EPB41: variants seen among roughly 807,000 people sequenced by gnomAD.
EPB41 encodes the protein erythrocyte membrane protein band 4.1.
A neutral mutation model predicts 108.0 loss-of-function variants in EPB41; 65 were observed. That is an observed-to-expected ratio of 0.60 (90% confidence interval 0.49 to 0.74). The LOEUF (loss-of-function observed/expected upper bound fraction) is 0.74. Among genes scored for constraint, EPB41 ranks in the 30% least tolerant of loss-of-function variants. The pLI is 0.00. For missense variants in EPB41, 875 were observed against 1,037.0 expected, an observed-to-expected ratio of 0.84 and a Z score of 2.15; for synonymous variants, 336 against 358.9, an observed-to-expected ratio of 0.94 and a Z score of 0.72.
At chr1:29,112,711 C>T (rs1429848710) in intron 19 of EPB41, among the ~76,000 whole-genome samples, 1 of 152,190 alleles carries the variant, frequency 6.6e-6, no homozygotes, top group African/African-American at 2.4e-5. Context: ...TATATTCTAG[C>T]TGTTAACTCT....
At chr1:29,113,270 G>T (rs1211133261) in intron 19 of EPB41, among the ~76,000 whole-genome samples, 3 of 152,232 alleles carry the variant, frequency 2.0e-5, no homozygotes, top group African/African-American at 7.2e-5. Context: ...GAGATTGCAT[G>T]CAAATGCTTC....
At chr1:29,019,968 A>C (rs2096623874) in intron 7 of EPB41, among the ~76,000 whole-genome samples, 1 of 152,232 alleles carries the variant, frequency 6.6e-6, no homozygotes, top group South Asian at 2.1e-4. Context: ...GACTTATTCC[A>C]GTACCAATGT....
chr1:28,965,919 A>G (rs1290514084), intron 1 of EPB41, among the ~76,000 whole-genome samples: 1 of 152,226 alleles, frequency 6.6e-6, no homozygotes, highest in Non-Finnish European at 1.5e-5. Context: ...GTGGTGGCTC[A>G]TGCCTGTAAC....
Position 28,902,768 on chromosome 1 carries a change from G to T in EPB41, c.-8+15558G>T, listed in dbSNP as rs188039847. 4.6e-5 allele frequency among the ~76,000 whole-genome samples: 7 copies of T among 152,182 alleles called. 1 individual carries two copies. Among genetic ancestry groups the T allele is most frequent in the African/African-American group, 1.7e-4 (7 of 41,510 alleles). ...ATTATAAGTGGAGGAAATTATCCTG[G>T]GTTTGAGACTCAGGAGCCTGAGCTT... On this transcript the variant is annotated intron_variant, in intron 1 of 16. Transcript: ENST00000347529.
chr1:28,991,160 G>A (rs1008353244), intron 2 of EPB41, among the ~76,000 whole-genome samples: 8 of 149,282 alleles, frequency 5.4e-5, no homozygotes, highest in African/African-American at 2.0e-4. Context: ...TTTTTAAAAA[G>A]CGTGTTTGCT....
chr1:28,903,862 T>A (rs2091531038), intron 1 of EPB41, among the ~76,000 whole-genome samples: 1 of 151,026 alleles, frequency 6.6e-6, no homozygotes, highest in Non-Finnish European at 1.5e-5. Flanking sequence ...AGTTTTTTTG[T>A]TGTTGTTGTT....
At chr1:29,028,901 A>G (rs1323847241) in intron 7 of EPB41, among the ~76,000 whole-genome samples, 1 of 151,996 alleles carries the variant, frequency 6.6e-6, no homozygotes, top group Non-Finnish European at 1.5e-5. Flanking sequence ...AACTAGCTGG[A>G]CATGGTGGCA....
chr1:28,898,494 C>T (rs923672492), intron 1 of EPB41, among the ~76,000 whole-genome samples: 1 of 152,208 alleles, frequency 6.6e-6, no homozygotes, highest in Non-Finnish European at 1.5e-5. Flanking sequence ...AGGGCGGAGG[C>T]TTCAATGAGA....
intron 16 of EPB41, among the ~76,000 whole-genome samples, chr1:29,074,156 G>A (rs920842224): frequency 1.3e-5 from 2 of 152,070 alleles, no homozygotes; most frequent in African/African-American, 2.4e-5. Flanking sequence ...TATGAGACAT[G>A]GTCTCATTGT....
chr1:28,997,308 G>A lies in EPB41; in HGVS notation c.775G>A (p.Ala259Thr), dbSNP rs566540981. Reference protein sequence around the residue: ...DYFGLAIWDNATSKTWLDSAK... With the variant: ...DYFGLAIWDNTTSKTWLDSAK... ...TTTTGGTCTAGCCATTTGGGATAACGCAACCTCTAAGGTGAGGAGACTGCT... is the reference window on the plus strand; with the variant it reads ...TTTTGGTCTAGCCATTTGGGATAACACAACCTCTAAGGTGAGGAGACTGCT... The change falls in exon 4 of 21, where the codon GCA becomes ACA. Residue 259 changes from alanine to threonine, a missense_variant. Coordinates refer to ENST00000343067, the MANE Select transcript of EPB41 (RefSeq NM_001376013.1). 1.6e-5 allele frequency: 25 copies of A among 1,605,984 alleles called. No homozygotes were observed. Among genetic ancestry groups the A allele is most frequent in the African/African-American group, 5.3e-5 (4 of 74,858 alleles).
chr1:28,980,103 C>T (rs771533335), intron 1 of EPB41, among the ~76,000 whole-genome samples: 16 of 152,094 alleles, frequency 1.1e-4, no homozygotes, highest in East Asian at 5.8e-4. Flanking sequence ...TAGGCCAAGA[C>T]GGGAAGATCA....
intron 1 of EPB41, among the ~76,000 whole-genome samples, chr1:28,933,318 A>G (rs2093840777): frequency 6.6e-6 from 1 of 152,160 alleles, no homozygotes; most frequent in Non-Finnish European, 1.5e-5. Context: ...GCAATAACAC[A>G]CCTTAGCTGG....
chr1:29,009,755 A>T (rs963233499), intron 4 of EPB41, among the ~76,000 whole-genome samples: 2 of 152,206 alleles, frequency 1.3e-5, no homozygotes, highest in Non-Finnish European at 2.9e-5. Flanking sequence ...ACAGGCTTAA[A>T]CAAGTATGTG....
intron 11 of EPB41, among the ~76,000 whole-genome samples, chr1:29,047,467 T>C (rs1056536915): frequency 1.3e-5 from 2 of 150,648 alleles, no homozygotes; most frequent in East Asian, 2.0e-4. Context: ...TTGCCCAGGC[T>C]GATCTTGAAC....
intron 7 of EPB41, among the ~76,000 whole-genome samples, chr1:29,019,219 C>G (rs2096613311): frequency 6.6e-6 from 1 of 152,098 alleles, no homozygotes; most frequent in Admixed American, 6.5e-5. Context: ...TGTTTGGGAC[C>G]AGCCTGGGCA....
intron 1 of EPB41, among the ~76,000 whole-genome samples, chr1:28,978,957 G>A (rs1303564621): frequency 6.6e-6 from 1 of 151,308 alleles, no homozygotes; most frequent in Non-Finnish European, 1.5e-5. Context: ...CCTGTTGTGG[G>A]ACTTCTCAGC....
chr1:29,092,040 G>A (rs1046940993), intron 16 of EPB41, among the ~76,000 whole-genome samples: 7 of 150,410 alleles, frequency 4.7e-5, no homozygotes, highest in Non-Finnish European at 8.8e-5. Context: ...GTACTACAGT[G>A]TGTAAGCTGG....
Position 28,914,702 on chromosome 1 carries a change from C to T in EPB41, c.-74C>T, listed in dbSNP as rs1017486179. On this transcript the variant is annotated 5_prime_UTR_variant, in exon 1 of 21. Coordinates refer to ENST00000343067, the MANE Select transcript of EPB41 (RefSeq NM_001376013.1). ...GGGCCCGAGCCTCGGACGCCGGCGC[C>T]TCCTCCTGCCATTGTTCGTCGGGCT... 1 of 152,378 alleles carries T rather than the reference C, an allele frequency of 6.6e-6. No homozygotes were observed. Among genetic ancestry groups the T allele is most frequent in the African/African-American group, 2.4e-5 (1 of 41,394 alleles). The allele number at this position is 152,378 out of a possible 1,614,324, so 9.4% of individuals were successfully genotyped here.
At chr1:28,943,103 C>A (rs375959624) in intron 1 of EPB41, among the ~76,000 whole-genome samples, 1 of 152,126 alleles carries the variant, frequency 6.6e-6, no homozygotes, top group African/African-American at 2.4e-5. Context: ...AGAAAAAGTT[C>A]TTCTCCTACT....
Sources: gnomAD v4.1 joint callset for allele counts (sites outside exome capture counted in the v4.1 genomes callset) on GRCh38, gnomAD v4.1.1 for gene constraint, MANE v1.5 for transcripts, NCBI Gene and HGNC (gene_info 2026-07-23, HGNC 2026-07-21) for gene names.